CSMD3: variants seen among roughly 807,000 people sequenced by gnomAD.
CSMD3 encodes the protein CUB and sushi domain-containing protein 3.
CSMD3 carries 177 observed loss-of-function variants against 435.2 expected under a neutral mutation model. The observed-to-expected ratio is 0.41, with a 90% CI of 0.36 to 0.46. The LOEUF is 0.46. CSMD3 is among the 20% of genes least tolerant of loss of function. The probability of loss-of-function intolerance (pLI) is 0.34; values close to 1 mark genes in which losing one functional copy is unlikely to be tolerated. For missense variants in CSMD3, 4,265 were observed against 4,504.6 expected, an observed-to-expected ratio of 0.95 and a Z score of 1.52; for synonymous variants, 1,656 against 1,520.5, an observed-to-expected ratio of 1.09 and a Z score of -2.07.
At position 112,276,607 on chromosome 8, in the gene CSMD3, G is replaced by A. The variant is rs76635915; in HGVS notation, c.9508+4567C>T. Among the ~76,000 whole-genome samples, 11 of 152,102 alleles carry A rather than the reference G, an allele frequency of 7.2e-5. No individual in the cohort carries two copies. The East Asian group carries it at 2.2e-3, about 30-fold the overall frequency. ...GGGCCTTCCTACTGTGTGCAGTCTA[G>A]GAATTTGGTGCCCTGCATCCAAGCC... On this transcript the variant is annotated intron_variant, in intron 59 of 70. Coordinates refer to ENST00000297405, the MANE Select transcript of CSMD3 (RefSeq NM_198123.2).
At chr8:112,405,246 T>C (rs5014672) in intron 35 of CSMD3, among the ~76,000 whole-genome samples, 13,021 of 81,448 alleles carry the variant, frequency 0.16, 2,134 homozygotes, top group East Asian at 0.37. Context: ...TATATATATA[T>C]ACATATATAT....
chr8:113,194,329 T>C (rs1369813769), intron 3 of CSMD3, among the ~76,000 whole-genome samples: 1 of 151,278 alleles, frequency 6.6e-6, no homozygotes, highest in Non-Finnish European at 1.5e-5. Context: ...TCAATTGATT[T>C]GTTTCAATTG....
intron 3 of CSMD3, among the ~76,000 whole-genome samples, chr8:113,222,000 T>C (rs1039716435): frequency 7.0e-6 from 1 of 143,490 alleles, no homozygotes; most frequent in African/African-American, 2.7e-5. Context: ...TGCGCATTTG[T>C]TGACAAAGCA....
intron 1 of CSMD3, among the ~76,000 whole-genome samples, chr8:113,361,410 T>C (rs1398408270): frequency 6.6e-6 from 1 of 152,142 alleles, no homozygotes; most frequent in Non-Finnish European, 1.5e-5. Flanking sequence ...TTATAATATA[T>C]AAATTTCCTT....
intron 22 of CSMD3, among the ~76,000 whole-genome samples, chr8:112,589,466 T>C (rs184571294): frequency 5.6e-4 from 86 of 152,250 alleles, no homozygotes; most frequent in African/African-American, 1.9e-3. Context: ...TGTGATGGTA[T>C]ATTAAATTGA....
In CSMD3 at chr8:112,732,659, C is replaced by T. The variant is rs563005005; in HGVS notation, c.1973-42609G>A. 4.2e-5 allele frequency among the ~76,000 whole-genome samples: 6 copies of T among 143,746 alleles called. No homozygotes were observed. In the East Asian group the frequency reaches 1.2e-3, roughly 30 times the overall value. The allele number at this position is 143,746 out of a possible 152,430, so 94.3% of individuals were successfully genotyped here. A position where few individuals can be genotyped will look rare whatever the true frequency, so the allele number is the denominator to read the frequency against. On this transcript the variant is annotated intron_variant, in intron 13 of 70. Transcript: ENST00000297405. Reference sequence around the variant, plus strand: ...AGGTTGCAGTGAGCCAAGATCATGCCACTCCACTCCAGCCTGGGTGACAGA... The same window carrying T: ...AGGTTGCAGTGAGCCAAGATCATGCTACTCCACTCCAGCCTGGGTGACAGA...
chr8:113,403,860 A>G (rs1018992993), intron 1 of CSMD3, among the ~76,000 whole-genome samples: 15 of 151,586 alleles, frequency 9.9e-5, no homozygotes, highest in Admixed American at 3.9e-4. Context: ...TGTAAAATAA[A>G]GTAGTTGATG....
At chr8:112,549,428 C>T (rs961320107) in intron 27 of CSMD3, among the ~76,000 whole-genome samples, 9 of 151,558 alleles carry the variant, frequency 5.9e-5, no homozygotes, top group African/African-American at 2.2e-4. Flanking sequence ...CAGTTTATAC[C>T]TCTCTTTCAC....
At chr8:112,968,539 C>A (rs770274545) in intron 7 of CSMD3, among the ~76,000 whole-genome samples, 3 of 151,788 alleles carry the variant, frequency 2.0e-5, no homozygotes, top group Non-Finnish European at 4.4e-5. Flanking sequence ...GTTCCCTACA[C>A]TAAATTCTAC....
chr8:113,218,208 G>A (rs187050884), intron 3 of CSMD3, among the ~76,000 whole-genome samples: 2 of 149,752 alleles, frequency 1.3e-5, no homozygotes, highest in Non-Finnish European at 3.0e-5. Flanking sequence ...CAAAACTATA[G>A]GGAATATTAA....
chr8:113,180,583 A>T (rs1029094096), intron 3 of CSMD3, among the ~76,000 whole-genome samples: 1 of 152,070 alleles, frequency 6.6e-6, no homozygotes. Flanking sequence ...GTCCCCAAGC[A>T]AAAAAGAATT....
chr8:113,297,439 T>C (rs1187974821), intron 2 of CSMD3, among the ~76,000 whole-genome samples: 1 of 152,038 alleles, frequency 6.6e-6, no homozygotes, highest in Non-Finnish European at 1.5e-5. Context: ...AACTGAAATA[T>C]GAAAAATTTA....
At position 112,459,358 on chromosome 8, in the gene CSMD3, T is replaced by TG. The variant is rs35526867; in HGVS notation, c.5395+13232dup. ...ATTGTGTGTGTGTTGTGTGTGTGTG[T>TG]GGGGGGGGGGGGTTTATTCAATTAT... On this transcript the variant is annotated intron_variant, in intron 32 of 70. Coordinates refer to ENST00000297405, the MANE Select transcript of CSMD3 (RefSeq NM_198123.2). Among the ~76,000 whole-genome samples the TG allele has an allele frequency of 7.4e-3, 828 of 112,572 alleles. 5 individuals are homozygous for TG. Among genetic ancestry groups the TG allele is most frequent in the East Asian group, 0.037 (100 of 2,668 alleles). The allele number at this position is 112,572 out of a possible 152,430, so 73.9% of individuals were successfully genotyped here. A position where few individuals can be genotyped will look rare whatever the true frequency, so the allele number is the denominator to read the frequency against.
intron 10 of CSMD3, among the ~76,000 whole-genome samples, chr8:112,918,176 T>G (rs375439930): frequency 6.6e-6 from 1 of 151,922 alleles, no homozygotes; most frequent in Non-Finnish European, 1.5e-5. Flanking sequence ...TACCTACTCA[T>G]GTTCATAAGT....
At chr8:112,424,688 CTTATTTATTTAT>C (rs541319735) in intron 32 of CSMD3, among the ~76,000 whole-genome samples, 2 of 151,538 alleles carry the variant, frequency 1.3e-5, no homozygotes, top group Non-Finnish European at 1.5e-5. Flanking sequence ...ATTTTACTTA[CTTATTTATTTAT>C]TTATTTATTT....
In CSMD3 at chr8:112,963,238, G is replaced by T. The variant is rs544299411; in HGVS notation, c.1343-8477C>A. Among the ~76,000 whole-genome samples the T allele has an allele frequency of 1.5e-3, 224 of 152,042 alleles. 2 individuals are homozygous for T. Among genetic ancestry groups the T allele is most frequent in the Admixed American group, 6.8e-3 (104 of 15,232 alleles). On this transcript the variant is annotated intron_variant, in intron 7 of 70. Transcript: ENST00000297405. Reference sequence around the variant, plus strand: ...ACTTTCTTCCTTATCCCAACAACGTGGGAATCGTAACAGCCCAGCTGCTGC... The same window carrying T: ...ACTTTCTTCCTTATCCCAACAACGTTGGAATCGTAACAGCCCAGCTGCTGC...
Position 112,306,018 on chromosome 8 carries a change from G to A in CSMD3, c.8060C>T (p.Pro2687Leu), listed in dbSNP as rs2130786248. ...CTTGACACACATACCAACACAGCGAGGGGTCTTGTTATGATTGCTCCATGT... is the reference window on the plus strand; with the variant it reads ...CTTGACACACATACCAACACAGCGAAGGGTCTTGTTATGATTGCTCCATGT... ...DGTWSNHNKT[P>L]RCVVVTCPSI... The change falls in exon 51 of 71, where the codon CCT becomes CTT. Residue 2687 changes from proline (P) to leucine (L), a missense_variant. Physicochemically the swap from Pro to Leu is moderately conservative, Grantham distance 98 (BLOSUM62 -3). Coordinates refer to ENST00000297405, the MANE Select transcript of CSMD3 (RefSeq NM_198123.2). 1 of 1,613,524 alleles carries A rather than the reference G, an allele frequency of 6.2e-7. No individual in the cohort carries two copies. Among genetic ancestry groups the A allele is most frequent in the Non-Finnish European group, 8.5e-7 (1 of 1,179,558 alleles).
intron 22 of CSMD3, among the ~76,000 whole-genome samples, chr8:112,601,721 T>C (rs1432332208): frequency 1.3e-5 from 2 of 152,154 alleles, no homozygotes; most frequent in Non-Finnish European, 2.9e-5. Flanking sequence ...TTAAACATAT[T>C]AATTTTCCTG....
At chr8:112,567,629 T>TAG (rs1400387767) in intron 24 of CSMD3, among the ~76,000 whole-genome samples, 4 of 152,096 alleles carry the variant, frequency 2.6e-5, no homozygotes, top group Non-Finnish European at 4.4e-5. Flanking sequence ...ACTTAGCCTT[T>TAG]AGAGAGAGAG....
Sources: gnomAD v4.1 joint callset for allele counts (sites outside exome capture counted in the v4.1 genomes callset) on GRCh38, gnomAD v4.1.1 for gene constraint, MANE v1.5 for transcripts, NCBI Gene and HGNC (gene_info 2026-07-23, HGNC 2026-07-21) for gene names.